Variants in FOXRED1 observed in about 807,000 individuals in gnomAD.
The protein encoded by FOXRED1 is FAD-dependent oxidoreductase domain-containing protein 1.
In FOXRED1, 52 loss-of-function variants were observed where a neutral mutation model predicts 57.8. The observed-to-expected ratio is 0.90, with a 90% CI of 0.72 to 1.13. The LOEUF is 1.13. Ranked by LOEUF, FOXRED1 falls within the 50% of genes most tolerant of loss-of-function variation. FOXRED1 has a pLI of 0.00. For missense variants in FOXRED1, 589 were observed against 625.2 expected, an observed-to-expected ratio of 0.94 and a Z score of 0.62; for synonymous variants, 271 against 248.3, an observed-to-expected ratio of 1.09 and a Z score of -0.86.
In FOXRED1 at chr11:126,277,813, T is replaced by C. The variant is rs1325076145; in HGVS notation, c.*124T>C. ...TCCCCCTCCCCAGTGTCCTCTCCTC[T>C]CAGGCAGGCCATTGCACCCATATGG... On this transcript the variant is annotated 3_prime_UTR_variant, in exon 11 of 11. Transcript: ENST00000263578. This position sits in a 1 kb window ranked among gnomAD's most constrained non-coding sequence, Gnocchi z 6.8. 9.1e-7 allele frequency: 1 copy of C among 1,093,956 alleles called. No individual in the cohort carries two copies. The highest frequency in any genetic ancestry group is 1.3e-5 in the South Asian group (1 of 79,344). The allele number at this position is 1,093,956 out of a possible 1,614,324, so 67.8% of individuals were successfully genotyped here.
At chr11:126,276,620 A>T (rs878878531) in intron 9 of FOXRED1, 97 bp downstream of exon 9, 1 of 1,410,672 alleles carries the variant, frequency 7.1e-7, no homozygotes, top group African/African-American at 1.4e-5. Flanking sequence ...TCATGCCTGT[A>T]ATCTTGGCAT....
chr11:126,276,473 C>T lies in FOXRED1; in HGVS notation c.1051C>T (p.Arg351Cys), dbSNP rs544236849. Reference sequence around the variant, plus strand: ...TGCAGACACCAGTGGAGCCTATTTTCGCCGGGAAGGATTAGGTAGCAACTA... The same window carrying T: ...TGCAGACACCAGTGGAGCCTATTTTTGCCGGGAAGGATTAGGTAGCAACTA... ...LVADTSGAYFRREGLGSNYLG... is the reference protein window; with the variant it reads ...LVADTSGAYFCREGLGSNYLG... Residue 351 changes from arginine to cysteine, a missense_variant, in exon 9 of 11, where the codon CGC (arginine) becomes TGC (cysteine). Arg to Cys is a radical substitution (Grantham distance 180). Coordinates refer to ENST00000263578, the MANE Select transcript of FOXRED1 (RefSeq NM_017547.4). 2.9e-5 allele frequency: 46 copies of T among 1,609,012 alleles called. 1 individual carries two copies. The South Asian group carries it at 4.1e-4, about 14-fold the overall frequency.
chr11:126,271,782 A>G lies in FOXRED1; in HGVS notation c.306+125A>G. 1.2e-6 allele frequency: 1 copy of G among 808,076 alleles called. No individual in the cohort carries two copies. The highest frequency in any genetic ancestry group is 2.6e-5 in the East Asian group (1 of 37,894). 50.1% of individuals were successfully genotyped at this position (808,076 alleles called of 1,614,324 possible). ...CAATCTCGGAGGGTCCAACGGACAG[A>G]GATTGTGCTTTGGACTTTGTTGAGA... On this transcript the variant is annotated intron_variant, in intron 2 of 10. Coordinates refer to ENST00000263578, the MANE Select transcript of FOXRED1 (RefSeq NM_017547.4). This position sits in a 1 kb window ranked among gnomAD's most constrained non-coding sequence, Gnocchi z 5.3.
At position 126,274,563 on chromosome 11, in the gene FOXRED1, G is replaced by A. The variant is rs1438380350; in HGVS notation, c.537-364G>A. The A allele has an allele frequency of 2.2e-5, 7 of 315,478 alleles. No individual in the cohort carries two copies. Among genetic ancestry groups the A allele is most frequent in the African/African-American group, 6.5e-5 (3 of 46,308 alleles). 19.5% of individuals were successfully genotyped at this position (315,478 alleles called of 1,614,324 possible). On this transcript the variant is annotated intron_variant, in intron 4 of 10. Transcript: ENST00000263578. The surrounding 1 kb of genome is among the most constrained non-coding windows in gnomAD (Gnocchi z 4.8). ...CTCCAGAGGCTGAAGCAGGAGAATC[G>A]CTTGAACCCGGGAGGAGGAGGTTGC... is the stretch of plus-strand genomic sequence containing the variant.
Position 126,275,427 on chromosome 11 carries a change from AC to A in FOXRED1, c.733del (p.Arg245ValfsTer10), listed in dbSNP as rs1174118804. On this transcript the variant is annotated frameshift_variant and splice_region_variant, in exon 6 of 11. Transcript: ENST00000263578. LOFTEE classifies it high-confidence loss of function. The surrounding 1 kb of genome is among the most constrained non-coding windows in gnomAD (Gnocchi z 5.9). The stretch of plus-strand genomic sequence containing the variant: ...TCCTTTTCTGCCAGGGAGAGGTGAC[AC>A]GTGAGTCTGAGCTTGTTTCCTCTAG... The part of the protein sequence containing the change: ...GVLFCQGEVT[R>X]FVSSSQRMLT... 1 of 1,602,626 alleles carries A rather than the reference AC, an allele frequency of 6.2e-7. No homozygotes were observed. Among genetic ancestry groups the A allele is most frequent in the Non-Finnish European group, 8.6e-7 (1 of 1,169,534 alleles).
At chr11:126,276,677 A>G (rs1328221804) in intron 9 of FOXRED1, among the ~76,000 whole-genome samples, 154 bp downstream of exon 9, 1 of 151,766 alleles carries the variant, frequency 6.6e-6, no homozygotes, top group East Asian at 1.9e-4. Context: ...GGAGTTTGAG[A>G]CCAGCCTGAC....
In FOXRED1 at chr11:126,269,308, C is replaced by T; in HGVS notation, c.85+17C>T. The T allele has an allele frequency of 6.2e-7, 1 of 1,614,068 alleles. No homozygotes were observed. Among genetic ancestry groups the T allele is most frequent in the Admixed American group, 1.7e-5 (1 of 60,032 alleles). On this transcript the variant is annotated intron_variant, in intron 1 of 10. Transcript: ENST00000263578. ...TTTCTCTGGGTAAAGTTGAGGACGACAGAGGGTATTGTGGTTCTGGGTTGT... is the reference window on the plus strand; with the variant it reads ...TTTCTCTGGGTAAAGTTGAGGACGATAGAGGGTATTGTGGTTCTGGGTTGT...
intron 1 of FOXRED1, chr11:126,270,903 T>C: frequency 5.2e-6 from 1 of 193,506 alleles, no homozygotes; most frequent in East Asian, 1.3e-4. Flanking sequence ...TGGCTTGGCC[T>C]AGGATGATGG....
Position 126,277,913 on chromosome 11 carries a change from A to C in FOXRED1, c.*224A>C, listed in dbSNP as rs533847833. On this transcript the variant is annotated 3_prime_UTR_variant, in exon 11 of 11. Transcript: ENST00000263578. This position sits in a 1 kb window ranked among gnomAD's most constrained non-coding sequence, Gnocchi z 6.8. ...GGATCCTAGGACTGATCTGTAGCCC[A>C]TGCTGATGTCACCCACCAGGGCAAT... is the stretch of plus-strand genomic sequence containing the variant. 1.5e-6 allele frequency: 1 copy of C among 678,744 alleles called. No individual in the cohort carries two copies. The highest frequency in any genetic ancestry group is 2.8e-5 in the East Asian group (1 of 35,722). The allele number at this position is 678,744 out of a possible 1,614,324, so 42.0% of individuals were successfully genotyped here. A position where few individuals can be genotyped will look rare whatever the true frequency, so the allele number is the denominator to read the frequency against.
chr11:126,271,646 C>T lies in FOXRED1; in HGVS notation c.295C>T (p.Arg99Trp), dbSNP rs746538752. 4.0e-5 allele frequency: 64 copies of T among 1,613,066 alleles called. No individual in the cohort carries two copies. The South Asian group carries it at 5.3e-4, about 13-fold the overall frequency. Residue 99 changes from arginine to tryptophan, a missense_variant, in exon 2 of 11, where the codon CGG becomes TGG. Transcript: ENST00000263578. The surrounding 1 kb of genome is among the most constrained non-coding windows in gnomAD (Gnocchi z 5.3). ...RGAIRVLVVE[R>W]DHTYSQASTG... ...TGCTATTCGAGTGCTAGTGGTGGAA[C>T]GGGACCACACGGTGAGGTCTGGGGT...
Position 126,272,486 on chromosome 11 carries a change from T to G in FOXRED1, c.307-483T>G. 1 of 233,808 alleles carries G rather than the reference T, an allele frequency of 4.3e-6. No homozygotes were observed. Among genetic ancestry groups the G allele is most frequent in the Non-Finnish European group, 8.5e-6 (1 of 117,068 alleles). The allele number at this position is 233,808 out of a possible 1,614,324, so 14.5% of individuals were successfully genotyped here. On this transcript the variant is annotated intron_variant, in intron 2 of 10. Coordinates refer to ENST00000263578, the MANE Select transcript of FOXRED1 (RefSeq NM_017547.4). This position sits in a 1 kb window ranked among gnomAD's most constrained non-coding sequence, Gnocchi z 4.6. ...TTCTGTATTTTTTGTAGAAATGGGG[T>G]TTTGCCACGTTGCCCAGCTGGTCTC...
Position 126,273,758 on chromosome 11 carries a change from A to C in FOXRED1, c.536+304A>C. 1 of 418,464 alleles carries C rather than the reference A, an allele frequency of 2.4e-6. No homozygotes were observed. Among genetic ancestry groups the C allele is most frequent in the Non-Finnish European group, 4.5e-6 (1 of 222,602 alleles). 25.9% of individuals were successfully genotyped at this position (418,464 alleles called of 1,614,324 possible). ...CCCACAAATCTGGGTTTTTAACAAG[A>C]ACCTTAAGTCAGGAGTTAGCAAACT... On this transcript the variant is annotated intron_variant, in intron 4 of 10. Coordinates refer to ENST00000263578, the MANE Select transcript of FOXRED1 (RefSeq NM_017547.4). The surrounding 1 kb of genome is among the most constrained non-coding windows in gnomAD (Gnocchi z 5.9).
In FOXRED1 at chr11:126,277,324, A is replaced by C. The variant is rs562653097; in HGVS notation, c.1207-111A>C. On this transcript the variant is annotated intron_variant, in intron 10 of 10. Coordinates refer to ENST00000263578, the MANE Select transcript of FOXRED1 (RefSeq NM_017547.4). This position sits in a 1 kb window ranked among gnomAD's most constrained non-coding sequence, Gnocchi z 6.8. ...GAATTTCTTGGACACATCCCATCCCATAGACCCCTCAGCAGCAGGTAGAGG... is the reference window on the plus strand; with the variant it reads ...GAATTTCTTGGACACATCCCATCCCCTAGACCCCTCAGCAGCAGGTAGAGG... 35 of 1,388,950 alleles carry C rather than the reference A, an allele frequency of 2.5e-5. No homozygotes were observed. Among genetic ancestry groups the C allele is most frequent in the Middle Eastern group, 1.9e-4 (1 of 5,130 alleles). 86.0% of individuals were successfully genotyped at this position (1,388,950 alleles called of 1,614,324 possible). A position where few individuals can be genotyped will look rare whatever the true frequency, so the allele number is the denominator to read the frequency against.
In FOXRED1 at chr11:126,271,789, G is replaced by A. The variant is rs1047233108; in HGVS notation, c.306+132G>A. On this transcript the variant is annotated intron_variant, in intron 2 of 10. Transcript: ENST00000263578. The surrounding 1 kb of genome is among the most constrained non-coding windows in gnomAD (Gnocchi z 5.3). Reference sequence around the variant, plus strand: ...GGAGGGTCCAACGGACAGAGATTGTGCTTTGGACTTTGTTGAGAAATTTTC... The same window carrying A: ...GGAGGGTCCAACGGACAGAGATTGTACTTTGGACTTTGTTGAGAAATTTTC... The A allele has an allele frequency of 1.3e-6, 1 of 775,846 alleles. No individual in the cohort carries two copies. Among genetic ancestry groups the A allele is most frequent in the African/African-American group, 1.7e-5 (1 of 58,632 alleles). The allele number at this position is 775,846 out of a possible 1,614,324, so 48.1% of individuals were successfully genotyped here. A position where few individuals can be genotyped will look rare whatever the true frequency, so the allele number is the denominator to read the frequency against.
rs1010847683 is a variant in FOXRED1 at position 126,273,938 on chromosome 11, T to A, written c.536+484T>A. ...TTATGAAAACAGGCAGCAGGTCGGA[T>A]TTGGCAACCCCTGCTCTAAGTGATT... On this transcript the variant is annotated intron_variant, in intron 4 of 10. Coordinates refer to ENST00000263578, the MANE Select transcript of FOXRED1 (RefSeq NM_017547.4). The surrounding 1 kb of genome is among the most constrained non-coding windows in gnomAD (Gnocchi z 5.9). The A allele has an allele frequency of 1.9e-5, 4 of 209,664 alleles. No individual in the cohort carries two copies. Among genetic ancestry groups the A allele is most frequent in the Non-Finnish European group, 3.9e-5 (4 of 101,376 alleles). 13.0% of individuals were successfully genotyped at this position (209,664 alleles called of 1,614,324 possible).
In FOXRED1 at chr11:126,277,782, G is replaced by T. The variant is rs114082966; in HGVS notation, c.*93G>T. The T allele has an allele frequency of 1.4e-5, 19 of 1,384,338 alleles. No homozygotes were observed. The South Asian group carries it at 1.7e-4, about 13-fold the overall frequency. The allele number at this position is 1,384,338 out of a possible 1,614,324, so 85.8% of individuals were successfully genotyped here. ...TCCATCTTCCCCAGTACTGTGCCAG[G>T]CCTTCTCCCCCTCCCCAGTGTCCTC... On this transcript the variant is annotated 3_prime_UTR_variant, in exon 11 of 11. Coordinates refer to ENST00000263578, the MANE Select transcript of FOXRED1 (RefSeq NM_017547.4). This position sits in a 1 kb window ranked among gnomAD's most constrained non-coding sequence, Gnocchi z 6.8.
In FOXRED1 at chr11:126,271,173, G is replaced by A. The variant is rs2135255418; in HGVS notation, c.86-264G>A. 1.6e-5 allele frequency: 7 copies of A among 443,192 alleles called. No individual in the cohort carries two copies. The highest frequency in any genetic ancestry group is 1.0e-4 in the South Asian group (5 of 49,286). 27.5% of individuals were successfully genotyped at this position (443,192 alleles called of 1,614,324 possible). On this transcript the variant is annotated intron_variant, in intron 1 of 10. Coordinates refer to ENST00000263578, the MANE Select transcript of FOXRED1 (RefSeq NM_017547.4). This position sits in a 1 kb window ranked among gnomAD's most constrained non-coding sequence, Gnocchi z 5.3. Reference sequence around the variant, plus strand: ...TGAGTTGGGATCAGGAGAGGTCTATGCAGGAGGTAATGTAGAAAATTAATT... The same window carrying A: ...TGAGTTGGGATCAGGAGAGGTCTATACAGGAGGTAATGTAGAAAATTAATT...
Position 126,273,207 on chromosome 11 carries a change from G to A in FOXRED1, c.417+128G>A, listed in dbSNP as rs1039805478. 6.3e-6 allele frequency: 6 copies of A among 951,476 alleles called. No homozygotes were observed. The East Asian group carries it at 1.2e-4, about 19-fold the overall frequency. The allele number at this position is 951,476 out of a possible 1,614,324, so 58.9% of individuals were successfully genotyped here. A position where few individuals can be genotyped will look rare whatever the true frequency, so the allele number is the denominator to read the frequency against. On this transcript the variant is annotated intron_variant, in intron 3 of 10. Coordinates refer to ENST00000263578, the MANE Select transcript of FOXRED1 (RefSeq NM_017547.4). The surrounding 1 kb of genome is among the most constrained non-coding windows in gnomAD (Gnocchi z 5.9). ...AGCCAACTAGGAGAGGGGGGCCCTG[G>A]CCTTCTTCCTAGTGGTGGTGCCGCA... is the stretch of plus-strand genomic sequence containing the variant.
At position 126,275,463 on chromosome 11, in the gene FOXRED1, C is replaced by T. The variant is rs369054199; in HGVS notation, c.733+35C>T. On this transcript the variant is annotated intron_variant, in intron 6 of 10. Coordinates refer to ENST00000263578, the MANE Select transcript of FOXRED1 (RefSeq NM_017547.4). This position sits in a 1 kb window ranked among gnomAD's most constrained non-coding sequence, Gnocchi z 5.9. ...AGCTTGTTTCCTCTAGCAACCGGGG[C>T]ATAGGCCTAGACTAGGTCTTATCTT... 9.6e-4 allele frequency: 1,352 copies of T among 1,404,806 alleles called. 2 individuals are homozygous for T. The highest frequency in any genetic ancestry group is 1.6e-3 in the Admixed American group (94 of 59,752). 87.0% of individuals were successfully genotyped at this position (1,404,806 alleles called of 1,614,324 possible).
Sources: gnomAD v4.1 joint callset for allele counts (sites outside exome capture counted in the v4.1 genomes callset) on GRCh38, gnomAD v4.1.1 for gene constraint, Gnocchi (gnomAD v3.1) non-coding constraint, MANE v1.5 for transcripts, NCBI Gene and HGNC (gene_info 2026-07-23, HGNC 2026-07-21) for gene names.